Variants in DOCK9 observed in about 807,000 individuals in gnomAD.
DOCK9 encodes dedicator of cytokinesis 9, also known as dedicator of cytokinesis protein 9.
In DOCK9, 89 loss-of-function variants were observed where a neutral mutation model predicts 263.3. That is an observed-to-expected ratio of 0.34 (90% CI 0.28 to 0.40). DOCK9 has a LOEUF of 0.40. DOCK9 is among the 10% of genes least tolerant of loss of function. The pLI is 1.00. For missense variants in DOCK9, 2,140 were observed against 2,603.4 expected, an observed-to-expected ratio of 0.82 and a Z score of 3.87; for synonymous variants, 976 against 973.1, an observed-to-expected ratio of 1.00 and a Z score of -0.06.
rs2050739224 is a variant in DOCK9, at chr13:98,915,484, A to G, written c.737T>C (p.Phe246Ser). 6.2e-7 allele frequency: 1 copy of G among 1,613,060 alleles called. No individual in the cohort carries two copies. The highest frequency in any genetic ancestry group is 1.7e-5 in the Admixed American group (1 of 59,812). ...GTCCTGCATCTTGAGCTCAAAAGCA[A>G]AACGCCTGACTTTGTTGTTCTGAAA... ...GVVQNNKVRRFAFELKMQDKS... is the reference protein window; with the variant it reads ...GVVQNNKVRRSAFELKMQDKS... The change falls in exon 8 of 53, where the codon TTT becomes TCT. Residue 246 changes from phenylalanine (F) to serine (S), a missense_variant. Physicochemically the swap from Phe to Ser is radical, Grantham distance 155. This residue lies in a region of DOCK9 where 1,521 missense variants were observed against 1,741.7 expected (regional missense o/e 0.87). Transcript: ENST00000682017.
At chr13:98,844,582 C>T (rs1337882785) in intron 38 of DOCK9, among the ~76,000 whole-genome samples, 3 of 152,166 alleles carry the variant, frequency 2.0e-5, no homozygotes, top group East Asian at 3.9e-4. Context: ...AGGCTGGTCT[C>T]GAACTCCTGG....
intron 49 of DOCK9, among the ~76,000 whole-genome samples, chr13:98,804,641 C>T (rs773851611): frequency 2.2e-4 from 34 of 152,128 alleles, no homozygotes; most frequent in Non-Finnish European, 3.4e-4. Context: ...CCTCCCTGTG[C>T]GGAGACCCAG....
chr13:98,916,075 A>G (rs1337544952), intron 7 of DOCK9, among the ~76,000 whole-genome samples: 2 of 152,182 alleles, frequency 1.3e-5, no homozygotes, highest in Non-Finnish European at 2.9e-5. Context: ...TCATGCCTCC[A>G]GTTTTCATGC....
At chr13:98,809,656 C>A (rs557438115) in intron 46 of DOCK9, among the ~76,000 whole-genome samples, 191 bp from the exon 47 acceptor site, 1 of 152,224 alleles carries the variant, frequency 6.6e-6, no homozygotes, top group Non-Finnish European at 1.5e-5. Context: ...CCAGCCCACA[C>A]GTGAGGACCC....
At chr13:99,006,205 C>T (rs1006503215) in intron 1 of DOCK9, among the ~76,000 whole-genome samples, 5 of 152,186 alleles carry the variant, frequency 3.3e-5, no homozygotes, top group East Asian at 1.9e-4. Context: ...GTTTCTCAAA[C>T]TGGCAAAAAT....
chr13:99,063,821 C>CTT (rs35527070), intron 1 of DOCK9, among the ~76,000 whole-genome samples: 29 of 148,968 alleles, frequency 1.9e-4, no homozygotes, highest in African/African-American at 2.2e-4. Context: ...GAATTCTCAA[C>CTT]TTTTTTTTTT....
upstream of DOCK9, chr13:99,088,313 G>T (rs2042392905): frequency 6.6e-6 from 1 of 152,256 alleles, no homozygotes; most frequent in East Asian, 1.9e-4. Context: ...AGTGGAGCTG[G>T]GTGACAGAGC....
At chr13:98,910,957 T>C (rs1276218174) in intron 9 of DOCK9, among the ~76,000 whole-genome samples, 1 of 152,132 alleles carries the variant, frequency 6.6e-6, no homozygotes, top group Middle Eastern at 3.2e-3. Flanking sequence ...GTCAACTTCT[T>C]TGCCTTCTCA....
Position 98,904,091 on chromosome 13 carries a change from C to T in DOCK9, c.1035+541G>A, listed in dbSNP as rs574456782. Among the ~76,000 whole-genome samples, 14 of 152,068 alleles carry T rather than the reference C, an allele frequency of 9.2e-5. No individual in the cohort carries two copies. The South Asian group carries it at 2.3e-3, about 25-fold the overall frequency. ...GAGAATGTATTTAATGCCACTGAACCGTACACTTAAAAATGGTTAAAATGG... is the reference window on the plus strand; with the variant it reads ...GAGAATGTATTTAATGCCACTGAACTGTACACTTAAAAATGGTTAAAATGG... On this transcript the variant is annotated intron_variant, in intron 10 of 52. Coordinates refer to ENST00000682017, the MANE Select transcript of DOCK9 (RefSeq NM_001366683.2).
intron 1 of DOCK9, among the ~76,000 whole-genome samples, chr13:98,971,683 G>A (rs528516796): frequency 1.3e-5 from 2 of 152,272 alleles, no homozygotes; most frequent in Middle Eastern, 6.8e-3. Context: ...ACTCCAGCCT[G>A]GGTGACAGAG....
chr13:98,933,749 T>A (rs947365326), intron 2 of DOCK9, among the ~76,000 whole-genome samples: 1 of 152,258 alleles, frequency 6.6e-6, no homozygotes, highest in African/African-American at 2.4e-5. Flanking sequence ...TCCTCGTCTA[T>A]GCATAGTGCT....
At chr13:98,854,433 T>C (rs901218391) in intron 34 of DOCK9, 1 of 151,986 alleles carries the variant, frequency 6.6e-6, no homozygotes, top group African/African-American at 2.4e-5. Flanking sequence ...TATATATACA[T>C]ATATATATCA....
chr13:98,898,878 G>A (rs1202818744), intron 13 of DOCK9, among the ~76,000 whole-genome samples: 1 of 152,102 alleles, frequency 6.6e-6, no homozygotes, highest in South Asian at 2.1e-4. Context: ...AGTGTACAAT[G>A]AAGCTTATTT....
chr13:98,833,984 C>G (rs1021621981), intron 39 of DOCK9, among the ~76,000 whole-genome samples: 10 of 152,260 alleles, frequency 6.6e-5, no homozygotes, highest in Non-Finnish European at 1.5e-5. Flanking sequence ...TCTTTTTATC[C>G]CTATAAACTC....
At chr13:98,887,933 T>C (rs2046038040) in intron 18 of DOCK9, among the ~76,000 whole-genome samples, 1 of 152,180 alleles carries the variant, frequency 6.6e-6, no homozygotes, top group Non-Finnish European at 1.5e-5. Flanking sequence ...TAAGAAACTC[T>C]GATCCTTAAA....
chr13:98,916,646 AT>A (rs1404651749), intron 7 of DOCK9, among the ~76,000 whole-genome samples: 1 of 152,240 alleles, frequency 6.6e-6, no homozygotes, highest in Non-Finnish European at 1.5e-5. Flanking sequence ...GGGCTCAGTA[AT>A]TGCCACTTTG....
chr13:98,838,464 G>C (rs1303158388), intron 38 of DOCK9, among the ~76,000 whole-genome samples: 1 of 152,160 alleles, frequency 6.6e-6, no homozygotes, highest in Non-Finnish European at 1.5e-5. Flanking sequence ...TATTCTACTT[G>C]CTTTAAGAAA....
intron 18 of DOCK9, among the ~76,000 whole-genome samples, chr13:98,887,143 ATTTTTTTTTTTTTTTT>A (rs58434344): frequency 4.6e-4 from 44 of 95,192 alleles, no homozygotes; most frequent in Non-Finnish European, 7.7e-4. Context: ...ATATATATAT[ATTTTTTTTTTTTTTTT>A]TTTTTTTTGC....
chr13:98,893,945 C>T (rs748190204), intron 15 of DOCK9, among the ~76,000 whole-genome samples: 3 of 152,280 alleles, frequency 2.0e-5, no homozygotes, highest in Non-Finnish European at 4.4e-5. Flanking sequence ...CTCTAACTGG[C>T]CACCTGGAGC....
Sources: allele counts gnomAD v4.1 joint callset (sites outside exome capture counted in the v4.1 genomes callset), GRCh38; gene constraint gnomAD v4.1.1; regional missense constraint gnomAD v4.1.1; transcripts MANE v1.5; gene names NCBI Gene and HGNC (gene_info 2026-07-23, HGNC 2026-07-21).